The following PANK1 variants were observed in gnomAD, a reference collection of about 807,000 sequenced individuals.
The protein encoded by PANK1 is pantothenate kinase 1.
Under a neutral mutation model 40.1 loss-of-function variants are expected in PANK1, and 18 were observed. The observed-to-expected ratio is 0.45, with a 90% CI of 0.31 to 0.67. PANK1 has a LOEUF of 0.67. Among genes scored for constraint, PANK1 ranks in the 30% least tolerant of loss-of-function variants. The probability of loss-of-function intolerance (pLI) is 0.06; values close to 1 mark genes in which losing one functional copy is unlikely to be tolerated. For missense variants in PANK1, 457 were observed against 599.6 expected (o/e 0.76, Z 2.48); for synonymous variants, 242 against 237.7 (o/e 1.02, Z -0.17).
intron 1 of PANK1, among the ~76,000 whole-genome samples, chr10:89,619,551 A>C (rs1239656236): frequency 3.3e-5 from 5 of 152,196 alleles, no homozygotes; most frequent in Non-Finnish European, 1.5e-5. Context: ...CTGGTGAGGC[A>C]CAAGTGTTCC....
chr10:89,636,024 A>G (rs1315688551), intron 1 of PANK1, among the ~76,000 whole-genome samples: 2 of 152,192 alleles, frequency 1.3e-5, no homozygotes, highest in Non-Finnish European at 1.5e-5. Flanking sequence ...GTTTGGTGCT[A>G]CCCATGCAGC....
intron 5 of PANK1, among the ~76,000 whole-genome samples, chr10:89,589,801 C>T (rs1430368015): frequency 2.0e-5 from 3 of 149,876 alleles, no homozygotes; most frequent in African/African-American, 7.4e-5. Context: ...CCACAAATCA[C>T]CCAAACTAAG....
At chr10:89,595,845 T>A (rs868572756) in intron 3 of PANK1, among the ~76,000 whole-genome samples, 5,084 of 88,998 alleles carry the variant, frequency 0.057, 373 homozygotes, top group Non-Finnish European at 0.076. Context: ...TATATATATA[T>A]ATATATATAT....
chr10:89,581,004 G>T (rs1165558989), downstream of PANK1: 1 of 152,104 alleles, frequency 6.6e-6, no homozygotes, highest in East Asian at 1.9e-4. Context: ...TTTCTTTGTA[G>T]TACTGATCTA....
downstream of PANK1, chr10:89,580,394 A>G (rs1017151690): frequency 6.6e-6 from 1 of 152,198 alleles, no homozygotes; most frequent in African/African-American, 2.4e-5. Flanking sequence ...ACTACGGAAA[A>G]GTCCGCAATG....
At chr10:89,644,420 G>A (rs1171215886) in intron 1 of PANK1, among the ~76,000 whole-genome samples, 180 bp downstream of exon 1, 1 of 152,238 alleles carries the variant, frequency 6.6e-6, no homozygotes, top group Non-Finnish European at 1.5e-5. Flanking sequence ...GCAAAGACCT[G>A]TAGTGCTTGA....
chr10:89,632,182 A>G (rs911205925), intron 1 of PANK1, among the ~76,000 whole-genome samples: 13 of 152,182 alleles, frequency 8.5e-5, no homozygotes, highest in African/African-American at 3.1e-4. Context: ...AAAGTTGTTA[A>G]AATCCCAACA....
At chr10:89,629,264 G>T (rs969425490) in intron 1 of PANK1, among the ~76,000 whole-genome samples, 2 of 152,144 alleles carry the variant, frequency 1.3e-5, no homozygotes, top group Non-Finnish European at 2.9e-5. Context: ...TGCCTTCGGG[G>T]TTATCACTGG....
chr10:89,635,961 G>C (rs553906187), intron 1 of PANK1, among the ~76,000 whole-genome samples: 2 of 152,350 alleles, frequency 1.3e-5, no homozygotes, highest in East Asian at 3.9e-4. Context: ...GAACACTGGA[G>C]CAGCAGTTGG....
chr10:89,580,008 G>A (rs540846744), downstream of PANK1: 8 of 152,310 alleles, frequency 5.3e-5, no homozygotes, highest in East Asian at 7.7e-4. Flanking sequence ...CAAATGTGGC[G>A]TCATCTTCTG....
Position 89,611,897 on chromosome 10 carries a change from T to C in PANK1, c.444A>G (p.Lys148=). 2.5e-6 allele frequency: 4 copies of C among 1,614,164 alleles called. No individual in the cohort carries two copies. Among genetic ancestry groups the C allele is most frequent in the Non-Finnish European group, 3.4e-6 (4 of 1,180,018 alleles). ...KYLTSNTAYG[K]TGIRDVHLEL... ...CCAGGTGGACGTCTCGGATCCCAGT[T>C]TTCCCATAAGCAGTATTAGAAGTCA... The change falls in exon 2 of 7, where the codon AAA becomes AAG. Residue 148 remains lysine, a synonymous_variant. Coordinates refer to ENST00000307534, the MANE Select transcript of PANK1 (RefSeq NM_148977.3).
chr10:89,629,653 A>G (rs965553851), intron 1 of PANK1, among the ~76,000 whole-genome samples: 4 of 152,256 alleles, frequency 2.6e-5, no homozygotes, highest in Non-Finnish European at 5.9e-5. Flanking sequence ...TAATGAGAAC[A>G]GTGATGCTTG....
chr10:89,634,968 C>T (rs1372739213), intron 1 of PANK1, among the ~76,000 whole-genome samples: 2 of 152,102 alleles, frequency 1.3e-5, no homozygotes, highest in Non-Finnish European at 2.9e-5. Flanking sequence ...GATATCCGAT[C>T]AGGTTGGGGA....
At position 89,611,578 on chromosome 10, in the gene PANK1, C is replaced by T. The variant is rs78367132; in HGVS notation, c.645+118G>A. The T allele has an allele frequency of 2.1e-4, 143 of 690,906 alleles. No individual in the cohort carries two copies. The East Asian group carries it at 2.7e-3, about 13-fold the overall frequency. The allele number at this position is 690,906 out of a possible 1,614,324, so 42.8% of individuals were successfully genotyped here. A position where few individuals can be genotyped will look rare whatever the true frequency, so the allele number is the denominator to read the frequency against. On this transcript the variant is annotated intron_variant, in intron 2 of 6. Transcript: ENST00000307534. The stretch of plus-strand genomic sequence containing the variant: ...TAGGTGAGAAAACTGAGGCACAGAG[C>T]GGTGACATAAGCTTGTCCAGAGTCC...
Position 89,644,872 on chromosome 10 carries a change from T to G in PANK1, c.20A>C (p.Gln7Pro). ...AGAGTGCGGGACCGAGCGCTCCTGC[T>G]GCCCGCTGCGGTCGCCCATGCCGGG... MGDRSG[Q>P]QERSVPHSPG... Residue 7 changes from glutamine (Q) to proline (P), a missense_variant, in exon 1 of 7, where the codon CAG becomes CCG. This residue lies in a region of PANK1 where 144 missense variants were observed against 131.2 expected (regional missense o/e 1.10). Coordinates refer to ENST00000307534, the MANE Select transcript of PANK1 (RefSeq NM_148977.3). 1 of 1,489,688 alleles carries G rather than the reference T, an allele frequency of 6.7e-7. No individual in the cohort carries two copies. The highest frequency in any genetic ancestry group is 8.9e-7 in the Non-Finnish European group (1 of 1,124,920). 92.3% of individuals were successfully genotyped at this position (1,489,688 alleles called of 1,614,324 possible).
At chr10:89,623,556 G>A (rs968743620) in intron 1 of PANK1, among the ~76,000 whole-genome samples, 2 of 151,032 alleles carry the variant, frequency 1.3e-5, no homozygotes, top group African/African-American at 4.9e-5. Flanking sequence ...CAACACACTT[G>A]AACTTCATAA....
At chr10:89,603,009 C>CTA (rs1422749634) in intron 2 of PANK1, among the ~76,000 whole-genome samples, 3 of 152,050 alleles carry the variant, frequency 2.0e-5, no homozygotes, top group Non-Finnish European at 4.4e-5. Context: ...CCAATTTTAT[C>CTA]TATATATATC....
chr10:89,587,204 T>A (rs1038618929), intron 6 of PANK1, among the ~76,000 whole-genome samples: 1 of 152,050 alleles, frequency 6.6e-6, no homozygotes, highest in African/African-American at 2.4e-5. Flanking sequence ...TCACTAATGG[T>A]CAGGTACACT....
chr10:89,584,505 C>A, intron 6 of PANK1, 40 bp from the exon 7 acceptor site: 2 of 1,300,132 alleles, frequency 1.5e-6, no homozygotes, highest in Admixed American at 1.7e-5. Flanking sequence ...TGAACCTTAG[C>A]CAAATATGTA....
Sources: allele counts gnomAD v4.1 joint callset (sites outside exome capture counted in the v4.1 genomes callset), GRCh38; gene constraint gnomAD v4.1.1; regional missense constraint gnomAD v4.1.1; transcripts MANE v1.5; gene names NCBI Gene and HGNC (gene_info 2026-07-23, HGNC 2026-07-21).